Variants in QTGAL observed in about 807,000 individuals in gnomAD.
QTGAL encodes the protein BGnT-like protein 1.
chr17:83,048,551 A>G, the QTGAL span: 50 of 1,613,936 alleles, frequency 3.1e-5, no homozygotes, highest in Non-Finnish European at 3.9e-5. Context: ...CCATTTTTCA[A>G]TGATAGCCCC....
chr17:82,996,630 C>T, the QTGAL span, among the ~76,000 whole-genome samples: 1 of 152,056 alleles, frequency 6.6e-6, no homozygotes, highest in African/African-American at 2.4e-5. Context: ...TTGGAGGAAT[C>T]ACATTACCTG....
the QTGAL span, among the ~76,000 whole-genome samples, chr17:82,965,074 C>T: frequency 2.0e-5 from 3 of 146,928 alleles, no homozygotes; most frequent in East Asian, 6.0e-4. Context: ...AGGTGCACCC[C>T]CATGGGGAGG....
the QTGAL span, chr17:82,957,646 A>G: frequency 8.7e-7 from 1 of 1,143,910 alleles, no homozygotes; most frequent in South Asian, 1.6e-5. Flanking sequence ...TCCTACAGTC[A>G]GGCCACCTGC....
the QTGAL span, chr17:82,947,220 C>T: frequency 1.3e-5 from 7 of 526,732 alleles, no homozygotes; most frequent in Non-Finnish European, 2.4e-5. Context: ...GCCTTCTGGC[C>T]TTGCCTCTCT....
chr17:83,011,923 TTTGAA>T, the QTGAL span, among the ~76,000 whole-genome samples: 33 of 151,440 alleles, frequency 2.2e-4, no homozygotes, highest in African/African-American at 7.3e-4. Context: ...TCCCAGCTCG[TTTGAA>T]CACACGCCAC....
At chr17:82,964,302 C>T in the QTGAL span, among the ~76,000 whole-genome samples, 1 of 130,702 alleles carries the variant, frequency 7.7e-6, no homozygotes, top group Non-Finnish European at 1.7e-5. Flanking sequence ...AAAATGAAGA[C>T]TAAATTACAA....
At chr17:82,956,692 C>T in the QTGAL span, 1 of 1,573,778 alleles carries the variant, frequency 6.4e-7, no homozygotes, top group South Asian at 1.2e-5. This position sits in a 1 kb window ranked among gnomAD's most constrained non-coding sequence, Gnocchi z 5.7. Flanking sequence ...GCCCCACACT[C>T]ACCAGCTTCA....
At chr17:83,034,031 C>A in the QTGAL span, among the ~76,000 whole-genome samples, 2 of 152,068 alleles carry the variant, frequency 1.3e-5, no homozygotes, top group African/African-American at 4.8e-5. Flanking sequence ...ACCTCCGCCT[C>A]CTGGGTTCAA....
the QTGAL span, among the ~76,000 whole-genome samples, chr17:82,952,922 A>G: frequency 6.6e-6 from 1 of 152,242 alleles, no homozygotes; most frequent in Non-Finnish European, 1.5e-5. Flanking sequence ...TGGAAACTGA[A>G]CAACCTGCTC....
At chr17:83,045,454 A>G in the QTGAL span, among the ~76,000 whole-genome samples, 62,091 of 152,086 alleles carry the variant, frequency 0.41, 12,733 homozygotes, top group East Asian at 0.58. Flanking sequence ...AGGCCTAAAT[A>G]TAAGAGCTAC....
chr17:83,048,844 C>T, the QTGAL span: 1 of 1,443,140 alleles, frequency 6.9e-7, no homozygotes, highest in Middle Eastern at 1.7e-4. Context: ...CTTTCCATGG[C>T]TCTAATTTAC....
At chr17:82,963,388 G>A in the QTGAL span, among the ~76,000 whole-genome samples, 2 of 152,178 alleles carry the variant, frequency 1.3e-5, no homozygotes, top group Admixed American at 1.3e-4. Context: ...ACAGAAGGGG[G>A]AGAGCTCGAG....
At chr17:83,036,654 T>C in the QTGAL span, among the ~76,000 whole-genome samples, 1 of 152,120 alleles carries the variant, frequency 6.6e-6, no homozygotes, top group Non-Finnish European at 1.5e-5. Context: ...GTTAGGGAGC[T>C]GTGGCAAGAG....
At chr17:83,006,951 T>C in the QTGAL span, 7 of 507,008 alleles carry the variant, frequency 1.4e-5, no homozygotes, top group Non-Finnish European at 1.8e-5. The surrounding 1 kb of genome is among the most constrained non-coding windows in gnomAD (Gnocchi z 5.8). Context: ...CCCTCAGTGA[T>C]GCATGAGGAT....
the QTGAL span, among the ~76,000 whole-genome samples, chr17:82,980,315 C>T: frequency 1.3e-5 from 2 of 152,174 alleles, no homozygotes; most frequent in Non-Finnish European, 2.9e-5. Context: ...TCTGCTCTCC[C>T]ACCACAATGT....
the QTGAL span, among the ~76,000 whole-genome samples, chr17:83,015,746 A>G: frequency 0.98 from 149,691 of 152,302 alleles, 73,574 homozygotes; most frequent in East Asian, 1. The surrounding 1 kb of genome is among the most constrained non-coding windows in gnomAD (Gnocchi z 4.4). Context: ...TTAGACCCTC[A>G]CAGGAGCGCA....
chr17:82,993,067 C>T, the QTGAL span, among the ~76,000 whole-genome samples: 1 of 152,002 alleles, frequency 6.6e-6, no homozygotes, highest in Non-Finnish European at 1.5e-5. Flanking sequence ...GAGGAGAATA[C>T]CAAAATACAA....
the QTGAL span, among the ~76,000 whole-genome samples, chr17:82,993,433 A>AAT: frequency 6.6e-6 from 1 of 152,144 alleles, no homozygotes; most frequent in Non-Finnish European, 1.5e-5. Flanking sequence ...AACAGTCATA[A>AAT]ATATATATGC....
chr17:83,027,276 G>C, the QTGAL span, among the ~76,000 whole-genome samples: 1 of 152,212 alleles, frequency 6.6e-6, no homozygotes, highest in Non-Finnish European at 1.5e-5. Context: ...CAATTCCATG[G>C]AGAAAAGAAA....
Sources: allele counts gnomAD v4.1 joint callset (sites outside exome capture counted in the v4.1 genomes callset), GRCh38; gene constraint gnomAD v4.1.1; non-coding constraint Gnocchi (gnomAD v3.1); transcripts MANE v1.5; gene names NCBI Gene and HGNC (gene_info 2026-07-23, HGNC 2026-07-21).